KLF8: variants seen among roughly 807,000 people sequenced by gnomAD.
KLF8 encodes KLF transcription factor 8, also known as Krueppel-like factor 8.
KLF8 carries 10 observed loss-of-function variants against 18.2 expected under a neutral mutation model. The observed-to-expected ratio is 0.55, with a 90% confidence interval of 0.34 to 0.93. KLF8 has a LOEUF of 0.93. Ranked by LOEUF, KLF8 falls within the 40% of genes least tolerant of loss-of-function variation. The pLI is 0.02. For missense variants in KLF8, 264 were observed against 277.9 expected, an observed-to-expected ratio of 0.95 and a Z score of 0.36; for synonymous variants, 109 against 97.3, an observed-to-expected ratio of 1.12 and a Z score of -0.71.
the KLF8 span, among the ~76,000 whole-genome samples, chrX:56,071,361 A>G: frequency 9.0e-6 from 1 of 111,669 alleles, no homozygotes; most frequent in East Asian, 2.8e-4. Flanking sequence ...GAGCTCTTTT[A>G]TTTTCTTTAA....
the KLF8 span, among the ~76,000 whole-genome samples, chrX:55,997,072 A>C: frequency 9.0e-6 from 1 of 111,724 alleles, no homozygotes; most frequent in Non-Finnish European, 1.9e-5. Context: ...TCTGATGGTT[A>C]GGCAGAGTCT....
At chrX:55,959,453 C>A in the KLF8 span, among the ~76,000 whole-genome samples, 1 of 111,594 alleles carries the variant, frequency 9.0e-6, no homozygotes, top group Non-Finnish European at 1.9e-5. Context: ...ATCTGGATGG[C>A]AAAGAAGCTC....
chrX:55,941,459 G>T, the KLF8 span, among the ~76,000 whole-genome samples: 4 of 111,389 alleles, frequency 3.6e-5, no homozygotes, highest in Admixed American at 9.5e-5. Flanking sequence ...CATAGGCATG[G>T]GCAAGGACTT....
At chrX:55,989,139 C>G in the KLF8 span, among the ~76,000 whole-genome samples, 1 of 111,904 alleles carries the variant, frequency 8.9e-6, no homozygotes, top group Non-Finnish European at 1.9e-5. Context: ...ACAAACATGT[C>G]GTCTGCAAAC....
chrX:56,069,791 TTGCCCAGCTTCC>T, the KLF8 span, among the ~76,000 whole-genome samples: 1 of 111,333 alleles, frequency 9.0e-6, no homozygotes, highest in East Asian at 2.8e-4. Flanking sequence ...CCCAGCGGTC[TTGCCCAGCTTCC>T]TGCCCAGCGG....
At chrX:56,254,928 T>C (rs1253878074) in intron 2 of KLF8, among the ~76,000 whole-genome samples, 3 of 111,859 alleles carry the variant, frequency 2.7e-5, no homozygotes, top group Non-Finnish European at 5.6e-5. Flanking sequence ...CACTTTGGAC[T>C]GTGGTTCCAG....
chrX:56,188,030 T>C, the KLF8 span, among the ~76,000 whole-genome samples: 106 of 110,792 alleles, frequency 9.6e-4, no homozygotes, highest in African/African-American at 3.4e-3. Context: ...CCAGGGCAAT[T>C]AGGCAGGCGA....
Position 56,265,560 on chromosome X carries a change from G to A in KLF8, c.462G>A (p.Gln154=), listed in dbSNP as rs1555934005. ...CCTCCTCTCAGAGCACTGGTAGCCA[G>A]CAGATCTTACATGTCATTCACACTA... The part of the protein sequence containing the change: ...VLTSSQSTGS[Q]QILHVIHTIP... The change falls in exon 3 of 6, where the codon CAG becomes CAA. Residue 154 remains glutamine, a synonymous_variant. Coordinates refer to ENST00000468660, the MANE Select transcript of KLF8 (RefSeq NM_007250.5). 1.7e-6 allele frequency: 2 copies of A among 1,211,724 alleles called. No homozygotes were observed. The highest frequency in any genetic ancestry group is 2.2e-5 in the Admixed American group (1 of 45,999).
chrX:55,996,250 C>A, the KLF8 span, among the ~76,000 whole-genome samples: 1 of 111,350 alleles, frequency 9.0e-6, no homozygotes. Context: ...TTCCATTTTT[C>A]AGCTCTTGTA....
chrX:56,193,453 CA>C, the KLF8 span, among the ~76,000 whole-genome samples: 48 of 111,703 alleles, frequency 4.3e-4, no homozygotes, highest in Non-Finnish European at 6.8e-4. Context: ...TATGATCCAG[CA>C]ATGCTACTGC....
chrX:56,192,625 G>A, the KLF8 span, among the ~76,000 whole-genome samples: 7 of 111,728 alleles, frequency 6.3e-5, no homozygotes, highest in Middle Eastern at 9.2e-3. Flanking sequence ...CACATAGACC[G>A]GTGGAAAAGA....
chrX:56,040,371 T>C, the KLF8 span, among the ~76,000 whole-genome samples: 1 of 111,989 alleles, frequency 8.9e-6, no homozygotes, highest in Non-Finnish European at 1.9e-5. Flanking sequence ...TTGTCATAGA[T>C]GATTCTTAAT....
chrX:56,099,625 G>C, the KLF8 span, among the ~76,000 whole-genome samples: 1 of 107,311 alleles, frequency 9.3e-6, no homozygotes, highest in African/African-American at 3.8e-5. Flanking sequence ...CAAACTAAAA[G>C]GATGACTCTG....
the KLF8 span, among the ~76,000 whole-genome samples, chrX:56,214,591 G>T: frequency 8.9e-6 from 1 of 112,400 alleles, no homozygotes; most frequent in African/African-American, 3.2e-5. Flanking sequence ...AAAAGGGGAA[G>T]TTTGGACACA....
At chrX:56,062,431 C>T in the KLF8 span, among the ~76,000 whole-genome samples, 1 of 111,541 alleles carries the variant, frequency 9.0e-6, no homozygotes, top group Non-Finnish European at 1.9e-5. Context: ...TTTATTTCTC[C>T]TTGGCTTATG....
the KLF8 span, among the ~76,000 whole-genome samples, chrX:55,990,814 G>A: frequency 8.0e-5 from 9 of 112,010 alleles, no homozygotes; most frequent in South Asian, 1.5e-3. Context: ...GCAGAACAGC[G>A]GATACTGGTG....
chrX:56,070,395 TC>T, the KLF8 span, among the ~76,000 whole-genome samples: 1 of 110,350 alleles, frequency 9.1e-6, no homozygotes, highest in Non-Finnish European at 1.9e-5. Context: ...TGCACAGGTG[TC>T]CCAAATCTTA....
chrX:56,029,937 C>G, the KLF8 span, among the ~76,000 whole-genome samples: 3 of 112,073 alleles, frequency 2.7e-5, no homozygotes, highest in African/African-American at 9.7e-5. Flanking sequence ...ATTTGATTAG[C>G]TATCTCCAGT....
At chrX:56,267,830 A>G (rs2066991147) in intron 3 of KLF8, 1 of 111,326 alleles carries the variant, frequency 9.0e-6, no homozygotes, top group African/African-American at 3.3e-5. Context: ...TCTCTTTACA[A>G]TTTTAATAAA....
Sources: gnomAD v4.1 joint callset for allele counts (sites outside exome capture counted in the v4.1 genomes callset) on GRCh38, gnomAD v4.1.1 for gene constraint, MANE v1.5 for transcripts, NCBI Gene and HGNC (gene_info 2026-07-23, HGNC 2026-07-21) for gene names.